Variants in SLC6A3 observed in about 807,000 individuals in gnomAD.
The protein encoded by SLC6A3 is solute carrier family 6 member 3, also known as sodium-dependent dopamine transporter.
SLC6A3 carries 19 observed loss-of-function variants against 70.4 expected under a neutral mutation model. The observed-to-expected ratio is 0.27, with a 90% CI of 0.19 to 0.40. SLC6A3 has a LOEUF of 0.40. Ranked by LOEUF, SLC6A3 falls within the 10% of genes least tolerant of loss-of-function variation. SLC6A3 has a pLI of 1.00. For missense variants in SLC6A3, 613 were observed against 838.5 expected (o/e 0.73, Z 3.32); for synonymous variants, 368 against 356.6 (o/e 1.03, Z -0.36).
intron 4 of SLC6A3, among the ~76,000 whole-genome samples, chr5:1,431,837 G>A (rs1756713449): frequency 6.6e-6 from 1 of 152,184 alleles, no homozygotes; most frequent in African/African-American, 2.4e-5. Flanking sequence ...CTGGACATGG[G>A]ATACGCTGGC....
chr5:1,401,180 CCAGA>C lies in SLC6A3; in HGVS notation c.1768-198_1768-195del, dbSNP rs1030153411. On this transcript the variant is annotated intron_variant, in intron 13 of 14. Transcript: ENST00000270349. This position sits in a 1 kb window ranked among gnomAD's most constrained non-coding sequence, Gnocchi z 6.1. ...CTTACACTGCCAGTGCCCATGCCGA[CCAGA>C]CAGCCAGTCAGGCCCGAAGCCAACA... 2 of 700,996 alleles carry C rather than the reference CCAGA, an allele frequency of 2.9e-6. No individual in the cohort carries two copies. The highest frequency in any genetic ancestry group is 3.5e-5 in the African/African-American group (2 of 57,238). The allele number at this position is 700,996 out of a possible 1,614,324, so 43.4% of individuals were successfully genotyped here. A position where few individuals can be genotyped will look rare whatever the true frequency, so the allele number is the denominator to read the frequency against.
In SLC6A3 at chr5:1,397,017, A is replaced by C. The variant is rs1560903597; in HGVS notation, c.1840-2259T>G. On this transcript the variant is annotated intron_variant, in intron 14 of 14. Coordinates refer to ENST00000270349, the MANE Select transcript of SLC6A3 (RefSeq NM_001044.5). This position sits in a 1 kb window ranked among gnomAD's most constrained non-coding sequence, Gnocchi z 4.7. ...GTCTGTTTGTTACGGTGACAAATTA[A>C]TAATTTAAAAATGGCCACATGTGGA... Among the ~76,000 whole-genome samples, 6 of 152,210 alleles carry C rather than the reference A, an allele frequency of 3.9e-5. No homozygotes were observed.
intron 6 of SLC6A3, among the ~76,000 whole-genome samples, chr5:1,420,188 T>C (rs1310496272): frequency 6.6e-6 from 1 of 152,188 alleles, no homozygotes; most frequent in African/African-American, 2.4e-5. Flanking sequence ...ATGCCAGCCT[T>C]CCGCCAACAG....
intron 3 of SLC6A3, 149 bp downstream of exon 3, chr5:1,441,209 TG>T: frequency 2.3e-6 from 2 of 886,948 alleles, no homozygotes; most frequent in Non-Finnish European, 3.7e-6. Context: ...ATCTTTAAGG[TG>T]GGACCCAAGT....
At chr5:1,417,933 G>T (rs1399605338) in intron 6 of SLC6A3, among the ~76,000 whole-genome samples, 1 of 152,230 alleles carries the variant, frequency 6.6e-6, no homozygotes, top group Non-Finnish European at 1.5e-5. Flanking sequence ...GCTGCAGAGG[G>T]GGCGGGGCCC....
intron 4 of SLC6A3, among the ~76,000 whole-genome samples, chr5:1,424,659 A>G (rs1756538375): frequency 1.3e-5 from 2 of 152,270 alleles, no homozygotes; most frequent in South Asian, 4.1e-4. Flanking sequence ...CCAGAGGGGG[A>G]GGCCCAGGGA....
Position 1,395,016 on chromosome 5 carries a change from G to A in SLC6A3, c.1840-258C>T, listed in dbSNP as rs28363161. On this transcript the variant is annotated intron_variant, in intron 14 of 14. Transcript: ENST00000270349. ...AAAAAGCCGCGAGACTGTGGTTGGC[G>A]TGGTGGCCATGGTGGCCTCTGGGGC... Among the ~76,000 whole-genome samples the A allele has an allele frequency of 0.019, 2,898 of 152,328 alleles. 83 individuals carry two copies. Among genetic ancestry groups the A allele is most frequent in the African/African-American group, 0.065 (2,702 of 41,564 alleles).
rs1233976834 is a variant in SLC6A3, at chr5:1,413,043, C to T, written c.1156+1648G>A. On this transcript the variant is annotated intron_variant, in intron 8 of 14. Coordinates refer to ENST00000270349, the MANE Select transcript of SLC6A3 (RefSeq NM_001044.5). This position sits in a 1 kb window ranked among gnomAD's most constrained non-coding sequence, Gnocchi z 7.1. The stretch of plus-strand genomic sequence containing the variant: ...GCCTTCGTTTCTGTACCTAAGTTAA[C>T]ATTTCACCCTATTTTCTTGAGAATT... 6.6e-6 allele frequency among the ~76,000 whole-genome samples: 1 copy of T among 152,248 alleles called. No individual in the cohort carries two copies. Among genetic ancestry groups the T allele is most frequent in the East Asian group, 1.9e-4 (1 of 5,194 alleles).
At chr5:1,433,952 C>T (rs1239431978) in intron 3 of SLC6A3, among the ~76,000 whole-genome samples, 1 of 152,206 alleles carries the variant, frequency 6.6e-6, no homozygotes, top group African/African-American at 2.4e-5. Flanking sequence ...CAGACATCCA[C>T]AGCCATCCAC....
intron 6 of SLC6A3, among the ~76,000 whole-genome samples, chr5:1,417,537 C>T (rs2975293): frequency 0.02 from 3,059 of 152,338 alleles, 105 homozygotes; most frequent in African/African-American, 0.07. Context: ...GCCTGCCCAA[C>T]TCGGTGGATG....
chr5:1,421,605 C>T lies in SLC6A3; in HGVS notation c.792+271G>A, dbSNP rs377055977. Among the ~76,000 whole-genome samples the T allele has an allele frequency of 1.3e-5, 2 of 151,034 alleles. No homozygotes were observed. Among genetic ancestry groups the T allele is most frequent in the African/African-American group, 4.9e-5 (2 of 40,998 alleles). On this transcript the variant is annotated intron_variant, in intron 5 of 14. Transcript: ENST00000270349. The surrounding 1 kb of genome is among the most constrained non-coding windows in gnomAD (Gnocchi z 7.2). ...CCAGCCACGGCCACGTGTCCCCCCA[C>T]CCACCCATGGCCGCGCGTCTACCCA... is the stretch of plus-strand genomic sequence containing the variant.
At position 1,436,106 on chromosome 5, in the gene SLC6A3, G is replaced by C. The variant is rs1245027549; in HGVS notation, c.419-3408C>G. Among the ~76,000 whole-genome samples the C allele has an allele frequency of 6.6e-6, 1 of 151,776 alleles. No individual in the cohort carries two copies. The highest frequency in any genetic ancestry group is 2.4e-5 in the African/African-American group (1 of 41,276). On this transcript the variant is annotated intron_variant, in intron 3 of 14. Coordinates refer to ENST00000270349, the MANE Select transcript of SLC6A3 (RefSeq NM_001044.5). This position sits in a 1 kb window ranked among gnomAD's most constrained non-coding sequence, Gnocchi z 5.2. ...CCCTGGGCACCTGGGTGAGGAAATG[G>C]CTCCCTTGAACGGTAGTGGCCACTG...
chr5:1,422,388 TGCTGGGTGCCCACC>T (rs1756462329), intron 4 of SLC6A3, among the ~76,000 whole-genome samples: 1 of 146,746 alleles, frequency 6.8e-6, no homozygotes, highest in Non-Finnish European at 1.5e-5. Context: ...CTGCCCAAGG[TGCTGGGTGCCCACC>T]GCTGCCCACG....
At chr5:1,439,201 G>A (rs1195905468) in intron 3 of SLC6A3, among the ~76,000 whole-genome samples, 2 of 152,066 alleles carry the variant, frequency 1.3e-5, no homozygotes, top group Non-Finnish European at 2.9e-5. Flanking sequence ...CGACGGGGAC[G>A]GAGGCATGTT....
chr5:1,402,892 C>T lies in SLC6A3; in HGVS notation c.1767+30G>A, dbSNP rs750351593. ...GGAGCCTTTCTGGTGGCCTCACACT[C>T]GGGTGAAGGCGCCCCGTCCAAATAC... is the stretch of plus-strand genomic sequence containing the variant. On this transcript the variant is annotated intron_variant, in intron 13 of 14. Coordinates refer to ENST00000270349, the MANE Select transcript of SLC6A3 (RefSeq NM_001044.5). This position sits in a 1 kb window ranked among gnomAD's most constrained non-coding sequence, Gnocchi z 8.5. 18 of 1,609,716 alleles carry T rather than the reference C, an allele frequency of 1.1e-5. No individual in the cohort carries two copies. Among genetic ancestry groups the T allele is most frequent in the East Asian group, 4.5e-5 (2 of 44,810 alleles).
intron 6 of SLC6A3, among the ~76,000 whole-genome samples, chr5:1,416,914 C>G (rs947152606): frequency 2.6e-5 from 4 of 152,192 alleles, no homozygotes; most frequent in Non-Finnish European, 5.9e-5. Context: ...CATCCACATG[C>G]TGCATAATGG....
rs28363157 is a variant in SLC6A3, at chr5:1,400,126, G to T, written c.1839+789C>A. ...CATTGGACTCTGCTGTCGGCATTAG[G>T]CTGACATTAGTGTATGGAATCAGGT... On this transcript the variant is annotated intron_variant, in intron 14 of 14. Transcript: ENST00000270349. 9.3e-4 allele frequency among the ~76,000 whole-genome samples: 142 copies of T among 152,332 alleles called. 1 individual carries two copies. The East Asian group carries it at 0.024, about 26-fold the overall frequency.
At position 1,397,298 on chromosome 5, in the gene SLC6A3, G is replaced by C. The variant is rs532397366; in HGVS notation, c.1840-2540C>G. On this transcript the variant is annotated intron_variant, in intron 14 of 14. Transcript: ENST00000270349. The surrounding 1 kb of genome is among the most constrained non-coding windows in gnomAD (Gnocchi z 4.7). ...ATAAAAAGAAACCAAATTAACGGTG[G>C]TGGGTGCCTGCAGTCCCAGCTACTC... Among the ~76,000 whole-genome samples the C allele has an allele frequency of 9.1e-4, 138 of 152,322 alleles. No homozygotes were observed. Among genetic ancestry groups the C allele is most frequent in the African/African-American group, 3.2e-3 (133 of 41,572 alleles).
In SLC6A3 at chr5:1,436,505, G is replaced by A. The variant is rs879433574; in HGVS notation, c.419-3807C>T. ...CTCCTGTCTGACTCCCAGGAAGCTC[G>A]GCGCTAAGTGTGAATTTCAAGCATA... On this transcript the variant is annotated intron_variant, in intron 3 of 14. Coordinates refer to ENST00000270349, the MANE Select transcript of SLC6A3 (RefSeq NM_001044.5). This position sits in a 1 kb window ranked among gnomAD's most constrained non-coding sequence, Gnocchi z 5.2. Among the ~76,000 whole-genome samples the A allele has an allele frequency of 6.6e-6, 1 of 152,172 alleles. No individual in the cohort carries two copies. The highest frequency in any genetic ancestry group is 2.4e-5 in the African/African-American group (1 of 41,446).
Sources: allele counts gnomAD v4.1 joint callset (sites outside exome capture counted in the v4.1 genomes callset), GRCh38; gene constraint gnomAD v4.1.1; non-coding constraint Gnocchi (gnomAD v3.1); transcripts MANE v1.5; gene names NCBI Gene and HGNC (gene_info 2026-07-23, HGNC 2026-07-21).